VPS35L: variants seen among roughly 807,000 people sequenced by gnomAD.
VPS35L encodes VPS35 endosomal protein-sorting factor-like.
A neutral mutation model predicts 133.0 loss-of-function variants in VPS35L; 83 were observed. The observed-to-expected ratio is 0.62, with a 90% CI of 0.52 to 0.75. The LOEUF (loss-of-function observed/expected upper bound fraction) is 0.75, where lower values mean the gene tolerates loss of function less well. Among genes scored for constraint, VPS35L ranks in the 30% least tolerant of loss-of-function variants. VPS35L has a pLI of 0.00. For missense variants in VPS35L, 1,083 were observed against 1,206.8 expected (o/e 0.90, Z 1.52); for synonymous variants, 423 against 449.9 (o/e 0.94, Z 0.76).
chr16:19,650,784 A>T (rs1179904271), intron 25 of VPS35L, among the ~76,000 whole-genome samples: 1 of 152,020 alleles, frequency 6.6e-6, no homozygotes, highest in Non-Finnish European at 1.5e-5. Flanking sequence ...AACATTATAA[A>T]ATATAAAATA....
At chr16:19,631,778 C>T (rs2151569411) in intron 18 of VPS35L, among the ~76,000 whole-genome samples, 1 of 152,238 alleles carries the variant, frequency 6.6e-6, no homozygotes, top group Admixed American at 6.5e-5. Context: ...GTGCAATCGT[C>T]ACTCACTCCA....
intron 19 of VPS35L, among the ~76,000 whole-genome samples, chr16:19,635,020 T>C (rs1184938844): frequency 6.6e-6 from 1 of 152,118 alleles, no homozygotes; most frequent in African/African-American, 2.4e-5. Flanking sequence ...CATGCGCAGA[T>C]TGAGAAGCAT....
chr16:19,673,834 C>G (rs1480711474), intron 27 of VPS35L, among the ~76,000 whole-genome samples: 3 of 152,154 alleles, frequency 2.0e-5, no homozygotes, highest in African/African-American at 7.2e-5. Flanking sequence ...AGGGCCCTTG[C>G]AATGTGCCTG....
At chr16:19,587,588 C>T (rs953602564) in intron 7 of VPS35L, among the ~76,000 whole-genome samples, 6 of 149,384 alleles carry the variant, frequency 4.0e-5, no homozygotes, top group South Asian at 4.3e-4. Flanking sequence ...GAGCCAAGAT[C>T]GTGCCATTGC....
chr16:19,641,083 G>T (rs1162029064), intron 21 of VPS35L, among the ~76,000 whole-genome samples: 2 of 151,648 alleles, frequency 1.3e-5, no homozygotes, highest in African/African-American at 4.9e-5. Context: ...AATTTATTTT[G>T]AGGCAGAACC....
chr16:19,692,048 G>T (rs551741986), intron 29 of VPS35L, among the ~76,000 whole-genome samples: 1 of 151,968 alleles, frequency 6.6e-6, no homozygotes, highest in South Asian at 2.1e-4. Flanking sequence ...CTTATTTTTT[G>T]TATTTTTTTA....
intron 27 of VPS35L, among the ~76,000 whole-genome samples, chr16:19,681,074 CAGAG>C (rs1463059895): frequency 1.3e-5 from 2 of 152,218 alleles, no homozygotes; most frequent in Non-Finnish European, 2.9e-5. Flanking sequence ...AGACTCTAGT[CAGAG>C]AGAACGTGCC....
chr16:19,602,469 A>G (rs1247526895), intron 9 of VPS35L, among the ~76,000 whole-genome samples: 3 of 151,578 alleles, frequency 2.0e-5, no homozygotes, highest in Non-Finnish European at 2.9e-5. Flanking sequence ...AACCTGACCT[A>G]TATTCTTCCT....
At chr16:19,690,424 C>T (rs564443664) in intron 28 of VPS35L, among the ~76,000 whole-genome samples, 183 of 152,294 alleles carry the variant, frequency 1.2e-3, no homozygotes, top group Non-Finnish European at 2.3e-3. Flanking sequence ...GGACGAGACC[C>T]AGCAAACAGT....
intron 2 of VPS35L, among the ~76,000 whole-genome samples, chr16:19,566,667 A>G (rs1420804115): frequency 1.3e-5 from 2 of 152,336 alleles, no homozygotes; most frequent in Non-Finnish European, 2.9e-5. Flanking sequence ...CATTCAGAAA[A>G]TAGAAGTGAG....
At chr16:19,558,792 G>A (rs1262244681) in intron 1 of VPS35L, among the ~76,000 whole-genome samples, 3 of 151,944 alleles carry the variant, frequency 2.0e-5, no homozygotes, top group Non-Finnish European at 4.4e-5. Context: ...GCGTGGTGAC[G>A]GGTGCCTGCA....
intron 1 of VPS35L, among the ~76,000 whole-genome samples, chr16:19,557,572 G>A (rs774958751): frequency 6.6e-6 from 1 of 151,846 alleles, no homozygotes; most frequent in Admixed American, 6.6e-5. Flanking sequence ...TAGTAGAGAC[G>A]GTGTTTCATC....
intron 26 of VPS35L, among the ~76,000 whole-genome samples, chr16:19,662,602 C>T (rs1431115158): frequency 6.6e-6 from 1 of 152,044 alleles, no homozygotes; most frequent in Non-Finnish European, 1.5e-5. Context: ...AGTCATACAC[C>T]CACAGATGAT....
intron 24 of VPS35L, among the ~76,000 whole-genome samples, chr16:19,649,490 T>C (rs974456532): frequency 6.6e-6 from 1 of 152,252 alleles, no homozygotes; most frequent in African/African-American, 2.4e-5. Context: ...TACAAATATA[T>C]GATGTGGCTA....
chr16:19,602,448 C>T (rs1472361184), intron 9 of VPS35L, among the ~76,000 whole-genome samples: 1 of 152,074 alleles, frequency 6.6e-6, no homozygotes, highest in East Asian at 1.9e-4. Context: ...GTGTTTGTGA[C>T]AGTAACCTAT....
chr16:19,632,430 CCTT>C (rs775161238), intron 18 of VPS35L, among the ~76,000 whole-genome samples: 17 of 152,162 alleles, frequency 1.1e-4, no homozygotes, highest in Non-Finnish European at 1.8e-4. Context: ...CAAACTGTCT[CCTT>C]CTCTCCTTCC....
At chr16:19,570,870 TATATATATA>T (rs1971351696) in intron 3 of VPS35L, among the ~76,000 whole-genome samples, 9 of 85,372 alleles carry the variant, frequency 1.1e-4, no homozygotes, top group African/African-American at 5.4e-4. Flanking sequence ...TATATATATA[TATATATATA>T]TATATATATA....
chr16:19,700,336 T>A, intron 30 of VPS35L, 42 bp from the exon 31 acceptor site: 1 of 1,550,646 alleles, frequency 6.4e-7, no homozygotes, highest in African/African-American at 1.4e-5. Flanking sequence ...GCTCCAAGGA[T>A]AATGAACCAG....
At chr16:19,609,045 G>C (rs1043332948) in intron 11 of VPS35L, 24 bp downstream of exon 11, 2 of 1,605,638 alleles carry the variant, frequency 1.2e-6, no homozygotes, top group Non-Finnish European at 1.7e-6. Context: ...GTAAAATCTA[G>C]AACCATAAAA....
Sources: allele counts gnomAD v4.1 joint callset (sites outside exome capture counted in the v4.1 genomes callset), GRCh38; gene constraint gnomAD v4.1.1; transcripts MANE v1.5; gene names NCBI Gene and HGNC (gene_info 2026-07-23, HGNC 2026-07-21).